The following SND1 variants were observed in gnomAD, a reference collection of about 807,000 sequenced individuals.
SND1 encodes staphylococcal nuclease and tudor domain containing 1, also known as staphylococcal nuclease domain-containing protein 1.
In SND1, 38 loss-of-function variants were observed where a neutral mutation model predicts 121.7. The observed-to-expected ratio is 0.31, with a 90% CI of 0.24 to 0.41. The LOEUF is 0.41. Ranked by LOEUF, SND1 falls within the 10% of genes least tolerant of loss-of-function variation. The pLI, the probability that SND1 is intolerant of heterozygous loss-of-function variation, is 1.00. For missense variants in SND1, 868 were observed against 1,184.6 expected (o/e 0.73, Z 3.92); for synonymous variants, 401 against 447.4 (o/e 0.90, Z 1.31).
chr7:127,797,274 G>A (rs1485711807), intron 10 of SND1, among the ~76,000 whole-genome samples: 2 of 151,536 alleles, frequency 1.3e-5, no homozygotes, highest in Non-Finnish European at 2.9e-5. Context: ...ACTGTGTAGA[G>A]CCCAGGTTTC....
chr7:127,915,058 C>G (rs1014677169), intron 14 of SND1, among the ~76,000 whole-genome samples: 2 of 152,118 alleles, frequency 1.3e-5, no homozygotes, highest in East Asian at 1.9e-4. Context: ...AGCTCTATTT[C>G]CCAGGCTGGA....
chr7:127,785,938 C>T (rs1191465904), intron 10 of SND1, among the ~76,000 whole-genome samples: 1 of 152,178 alleles, frequency 6.6e-6, no homozygotes, highest in African/African-American at 2.4e-5. Flanking sequence ...CCTGTGCCTT[C>T]TGCTTTCTAA....
At chr7:127,707,381 A>G (rs1051773759) in intron 8 of SND1, among the ~76,000 whole-genome samples, 176 bp from the exon 9 acceptor site, 6 of 152,172 alleles carry the variant, frequency 3.9e-5, no homozygotes, top group Admixed American at 2.0e-4. Context: ...TACATTTTAT[A>G]TATGTATCTT....
At chr7:127,838,910 TTAGA>T (rs539608294) in intron 11 of SND1, among the ~76,000 whole-genome samples, 89 of 152,350 alleles carry the variant, frequency 5.8e-4, no homozygotes, top group Middle Eastern at 3.4e-3. Context: ...TAACTGGCAC[TTAGA>T]TAGAACGTAC....
At chr7:128,017,869 G>GTTGGTCAAGT (rs1803259947) in intron 16 of SND1, among the ~76,000 whole-genome samples, 1 of 152,238 alleles carries the variant, frequency 6.6e-6, no homozygotes, top group South Asian at 2.1e-4. Flanking sequence ...TTCCTTGCCT[G>GTTGGTCAAGT]CCTTTGTTGG....
chr7:127,872,390 T>A (rs985747725), intron 12 of SND1, among the ~76,000 whole-genome samples: 1 of 152,162 alleles, frequency 6.6e-6, no homozygotes, highest in Non-Finnish European at 1.5e-5. Flanking sequence ...AAGATGACTT[T>A]CAGTACTGAA....
At chr7:128,058,381 G>A (rs1793176626) in intron 16 of SND1, among the ~76,000 whole-genome samples, 1 of 152,246 alleles carries the variant, frequency 6.6e-6, no homozygotes. Context: ...CCATGTTACA[G>A]CTTGAAGAAA....
chr7:127,923,328 G>A (rs1032045837), intron 14 of SND1, among the ~76,000 whole-genome samples: 1 of 151,966 alleles, frequency 6.6e-6, no homozygotes, highest in African/African-American at 2.4e-5. Context: ...TTTTTTGTTT[G>A]GGGGTTTGTT....
Position 128,054,758 on chromosome 7 carries a change from C to T in SND1, c.1780-19744C>T, listed in dbSNP as rs181826061. 8.5e-5 allele frequency among the ~76,000 whole-genome samples: 13 copies of T among 152,338 alleles called. No individual in the cohort carries two copies. In the East Asian group the frequency reaches 1.5e-3, roughly 18 times the overall value. On this transcript the variant is annotated intron_variant, in intron 16 of 23. Transcript: ENST00000354725. The stretch of plus-strand genomic sequence containing the variant: ...AAATCTTCCCTGCCTGCCTCGTGAC[C>T]TACAATCATTTCCCAAGCTCACCTA...
chr7:127,705,685 G>A (rs1796179358), intron 8 of SND1, among the ~76,000 whole-genome samples: 2 of 152,064 alleles, frequency 1.3e-5, no homozygotes, highest in Admixed American at 6.5e-5. Flanking sequence ...AATAAAGCAG[G>A]TAGCAACAAT....
At chr7:127,768,256 G>C (rs1270849822) in intron 10 of SND1, among the ~76,000 whole-genome samples, 6 of 151,990 alleles carry the variant, frequency 3.9e-5, no homozygotes, top group Admixed American at 3.9e-4. Flanking sequence ...TTTCTATCTT[G>C]TTCACTGTTC....
chr7:127,750,590 T>C, intron 10 of SND1, among the ~76,000 whole-genome samples: 1 of 152,058 alleles, frequency 6.6e-6, no homozygotes, highest in East Asian at 1.9e-4. Context: ...GGACCAGAAG[T>C]GTTTTGGATT....
chr7:127,986,720 A>G (rs1202947536), intron 15 of SND1, among the ~76,000 whole-genome samples: 2 of 152,230 alleles, frequency 1.3e-5, no homozygotes, highest in Non-Finnish European at 2.9e-5. Flanking sequence ...TAGAGTTTGA[A>G]AGAGGTCAGG....
chr7:127,929,781 C>A (rs1800922650), intron 15 of SND1, among the ~76,000 whole-genome samples: 1 of 152,060 alleles, frequency 6.6e-6, no homozygotes, highest in Admixed American at 6.6e-5. Context: ...TTTTCAAATG[C>A]CATTAAGATC....
chr7:127,820,494 A>G (rs1163222204), intron 11 of SND1, among the ~76,000 whole-genome samples: 3 of 152,156 alleles, frequency 2.0e-5, no homozygotes, highest in Non-Finnish European at 2.9e-5. Flanking sequence ...GTTCTTCGGT[A>G]TTTCTGCTTT....
intron 15 of SND1, among the ~76,000 whole-genome samples, chr7:127,943,383 G>C (rs1419259682): frequency 6.6e-6 from 1 of 152,152 alleles, no homozygotes; most frequent in African/African-American, 2.4e-5. Context: ...TTTTGAAAAA[G>C]TGATGGGCAG....
chr7:127,811,336 T>C (rs1341467773), intron 11 of SND1, among the ~76,000 whole-genome samples: 2 of 152,208 alleles, frequency 1.3e-5, no homozygotes, highest in Non-Finnish European at 2.9e-5. Context: ...GTATGTACTT[T>C]TAGGGTGTGG....
chr7:127,834,710 A>G (rs564665519), intron 11 of SND1, among the ~76,000 whole-genome samples: 3 of 152,196 alleles, frequency 2.0e-5, no homozygotes, highest in Non-Finnish European at 2.9e-5. Context: ...CACAAGTGCT[A>G]TATCCTTGTG....
intron 19 of SND1, 118 bp downstream of exon 19, chr7:128,084,965 A>G (rs1164646347): frequency 9.4e-6 from 10 of 1,059,768 alleles, no homozygotes; most frequent in African/African-American, 4.9e-5. Flanking sequence ...GATGGCCCCT[A>G]GCAGCTCTCC....
Sources: gnomAD v4.1 joint callset for allele counts (sites outside exome capture counted in the v4.1 genomes callset) on GRCh38, gnomAD v4.1.1 for gene constraint, MANE v1.5 for transcripts, NCBI Gene and HGNC (gene_info 2026-07-23, HGNC 2026-07-21) for gene names.